ABCC8: variants seen among roughly 807,000 people sequenced by gnomAD.
The protein encoded by ABCC8 is ATP binding cassette subfamily C member 8.
Under a neutral mutation model 188.0 loss-of-function variants are expected in ABCC8, and 137 were observed. The ratio of observed to expected loss-of-function variants is 0.73; its 90% CI spans 0.63 to 0.84. ABCC8 has a LOEUF of 0.84. ABCC8 is among the 40% of genes least tolerant of loss of function. ABCC8 has a pLI of 0.00. For synonymous variants in ABCC8, 797 were observed against 846.5 expected, an observed-to-expected ratio of 0.94 and a Z score of 1.01; for missense variants, 1,750 against 2,072.7, an observed-to-expected ratio of 0.84 and a Z score of 3.02.
chr11:17,395,149 G>A (rs1172510830), intron 36 of ABCC8, 23 bp downstream of exon 36: 2 of 1,556,702 alleles, frequency 1.3e-6, no homozygotes, highest in Non-Finnish European at 1.7e-6. Context: ...AACCAACCCA[G>A]CTGCATAGCC....
chr11:17,428,041 C>T, intron 14 of ABCC8, 99 bp from the exon 15 acceptor site: 2 of 1,585,390 alleles, frequency 1.3e-6, no homozygotes, highest in Non-Finnish European at 1.7e-6. Context: ...AGCCAAAAGA[C>T]ACTGATTCCA....
At chr11:17,443,150 C>A in intron 9 of ABCC8, 28 bp downstream of exon 9, 1 of 1,613,268 alleles carries the variant, frequency 6.2e-7, no homozygotes, top group South Asian at 1.1e-5. Context: ...GGAAGAGGGA[C>A]AAAACACACA....
In ABCC8 at chr11:17,407,399, T is replaced by G. The variant is rs746191786; in HGVS notation, c.2875A>C (p.Met959Leu). Residue 959 changes from methionine to leucine, a missense_variant, in exon 24 of 39, where the codon ATG becomes CTG. By Grantham distance (15) the Met-to-Leu change is conservative. Transcript: ENST00000389817. ...TGCAGAAGGCCATCCCTCGAGGACA[T>G]GGCACGAGATAGGCCCTGGGGTGGC... ...TEPPQGLSRA[M>L]SSRDGLLQDE... is the part of the protein sequence containing the mutation. 5.6e-6 allele frequency: 9 copies of G among 1,614,070 alleles called. No homozygotes were observed. The highest frequency in any genetic ancestry group is 6.8e-6 in the Non-Finnish European group (8 of 1,180,046).
At chr11:17,408,570 G>A in intron 22 of ABCC8, 53 bp from the exon 23 acceptor site, 1 of 1,584,940 alleles carries the variant, frequency 6.3e-7, no homozygotes, top group Non-Finnish European at 8.5e-7. Flanking sequence ...AGGAATGGTG[G>A]TCACATCCCT....
intron 1 of ABCC8, among the ~76,000 whole-genome samples, chr11:17,475,793 G>C (rs1289076120): frequency 7.9e-5 from 12 of 152,186 alleles, no homozygotes; most frequent in Admixed American, 7.9e-4. Flanking sequence ...AGATTTGCTT[G>C]TTTTCTTAAA....
chr11:17,464,906 C>T (rs1591900633), intron 3 of ABCC8, among the ~76,000 whole-genome samples: 1 of 152,314 alleles, frequency 6.6e-6, no homozygotes, highest in African/African-American at 2.4e-5. Flanking sequence ...AGACTTTCAC[C>T]CTGCCCTCTA....
chr11:17,433,195 C>A (rs1176773491), intron 10 of ABCC8, among the ~76,000 whole-genome samples: 1 of 152,190 alleles, frequency 6.6e-6, no homozygotes, highest in Non-Finnish European at 1.5e-5. Context: ...AGAGCAGCCC[C>A]CCCATGGCAT....
rs182503854 is a variant in ABCC8 at position 17,409,921 on chromosome 11, G to A, written c.2694+595C>T. Among the ~76,000 whole-genome samples the A allele has an allele frequency of 3.8e-4, 58 of 151,788 alleles. No homozygotes were observed. The East Asian group carries it at 0.01, about 27-fold the overall frequency. ...AAATTTTCAGAGACAAGGCTCTGTC[G>A]CCCAGGCTGTAGTGGAGTGCAGTGG... On this transcript the variant is annotated intron_variant, in intron 22 of 38. Coordinates refer to ENST00000389817, the MANE Select transcript of ABCC8 (RefSeq NM_000352.6).
rs550556737 is a variant in ABCC8 at position 17,433,218 on chromosome 11, T to C, written c.1631-974A>G. On this transcript the variant is annotated intron_variant, in intron 10 of 38. Transcript: ENST00000389817. ...CCCCCCATGGCATAAGAGGTAACCA[T>C]GTCAGCTGCCACCTTCCCATCTATC... 8.5e-5 allele frequency among the ~76,000 whole-genome samples: 13 copies of C among 152,306 alleles called. No individual in the cohort carries two copies. In the South Asian group the frequency reaches 2.7e-3, roughly 32 times the overall value.
At chr11:17,475,122 T>C (rs2133729770) in intron 1 of ABCC8, 95 bp from the exon 2 acceptor site, 8 of 1,550,330 alleles carry the variant, frequency 5.2e-6, no homozygotes, top group Admixed American at 1.9e-5. Flanking sequence ...ATTGGGTCCA[T>C]GGTGAGGGTG....
chr11:17,423,089 T>C (rs1014410751), intron 16 of ABCC8, among the ~76,000 whole-genome samples: 2 of 151,878 alleles, frequency 1.3e-5, no homozygotes, highest in Non-Finnish European at 2.9e-5. Flanking sequence ...CCAGGGGTGG[T>C]GGCTCATGCC....
In ABCC8 at chr11:17,404,695, G is replaced by A. The variant is rs376713202; in HGVS notation, c.3400-26C>T. On this transcript the variant is annotated intron_variant, in intron 27 of 38. Coordinates refer to ENST00000389817, the MANE Select transcript of ABCC8 (RefSeq NM_000352.6). The surrounding 1 kb of genome is among the most constrained non-coding windows in gnomAD (Gnocchi z 4.7). ...CTGAGGGAGACGAGGGGGAGAGAGT[G>A]AGGTGAATTTTGGTATTGACTGTGT... 5.7e-6 allele frequency: 9 copies of A among 1,582,648 alleles called. 1 individual carries two copies. The highest frequency in any genetic ancestry group is 3.6e-5 in the Admixed American group (2 of 55,086).
intron 10 of ABCC8, among the ~76,000 whole-genome samples, chr11:17,439,250 T>A (rs1472973759): frequency 6.6e-6 from 1 of 151,208 alleles, no homozygotes; most frequent in African/African-American, 2.5e-5. Flanking sequence ...CCCTGTTTTA[T>A]CCTGTACCAG....
intron 11 of ABCC8, 63 bp downstream of exon 11, chr11:17,432,141 T>A (rs1044002281): frequency 2.6e-6 from 4 of 1,547,278 alleles, no homozygotes; most frequent in Middle Eastern, 3.3e-4. Context: ...CTGGGCAGCC[T>A]GTCACTGCAG....
intron 10 of ABCC8, among the ~76,000 whole-genome samples, chr11:17,436,512 C>G (rs1251834490): frequency 6.6e-6 from 1 of 152,170 alleles, no homozygotes; most frequent in African/African-American, 2.4e-5. Context: ...AACTCAGGCC[C>G]AAGGTGAGGT....
rs765173606 is a variant in ABCC8, at chr11:17,405,571, G to A, written c.3330-8C>T. 11 of 1,614,212 alleles carry A rather than the reference G, an allele frequency of 6.8e-6. No homozygotes were observed. Among genetic ancestry groups the A allele is most frequent in the Non-Finnish European group, 9.3e-6 (11 of 1,180,010 alleles). ...GGCGTGGTCTCAAAAAACCTAAGAG[G>A]CAGCCAGAGGAAGAGTTACTCATTT... On this transcript the variant is annotated splice_polypyrimidine_tract_variant and splice_region_variant and intron_variant, in intron 26 of 38. Coordinates refer to ENST00000389817, the MANE Select transcript of ABCC8 (RefSeq NM_000352.6).
intron 16 of ABCC8, among the ~76,000 whole-genome samples, chr11:17,418,783 A>G (rs1259448304): frequency 6.6e-6 from 1 of 152,180 alleles, no homozygotes; most frequent in Admixed American, 6.5e-5. Context: ...GTTCATCCCC[A>G]GTGGAATTTT....
intron 21 of ABCC8, among the ~76,000 whole-genome samples, chr11:17,411,492 T>C (rs1234854867): frequency 6.6e-6 from 1 of 152,180 alleles, no homozygotes; most frequent in Non-Finnish European, 1.5e-5. Context: ...CTGTGAAGTG[T>C]CTTTAGTAAA....
At position 17,404,664 on chromosome 11, in the gene ABCC8, G is replaced by A; in HGVS notation, c.3405C>T (p.Ile1135=). The change falls in exon 28 of 39, where the codon ATC becomes ATT. Residue 1135 remains isoleucine, a synonymous_variant. Transcript: ENST00000389817. The surrounding 1 kb of genome is among the most constrained non-coding windows in gnomAD (Gnocchi z 4.7). ...SSDCNTIDQH[I]PSTLECLSRS... ...GGCTCAGGCACTCCAGCGTGGATGG[G>A]ATGTGCTGAGGGAGACGAGGGGGAG... The A allele has an allele frequency of 6.2e-7, 1 of 1,608,284 alleles. No individual in the cohort carries two copies. Among genetic ancestry groups the A allele is most frequent in the African/African-American group, 1.3e-5 (1 of 74,908 alleles).
Sources: gnomAD v4.1 joint callset for allele counts (sites outside exome capture counted in the v4.1 genomes callset) on GRCh38, gnomAD v4.1.1 for gene constraint, Gnocchi (gnomAD v3.1) non-coding constraint, MANE v1.5 for transcripts, NCBI Gene and HGNC (gene_info 2026-07-23, HGNC 2026-07-21) for gene names.